JAKMIP1: variants seen among roughly 807,000 people sequenced by gnomAD.
JAKMIP1 encodes janus kinase and microtubule-interacting protein 1.
A neutral mutation model predicts 113.0 loss-of-function variants in JAKMIP1; 33 were observed. The ratio of observed to expected loss-of-function variants is 0.29; its 90% CI spans 0.22 to 0.39. JAKMIP1 has a LOEUF of 0.39. JAKMIP1 is among the 10% of genes least tolerant of loss of function. The pLI is 1.00. For synonymous variants in JAKMIP1, 480 were observed against 459.9 expected (o/e 1.04, Z -0.56); for missense variants, 813 against 1,080.5 (o/e 0.75, Z 3.47).
At chr4:6,087,037 C>T (rs1171371092) in intron 3 of JAKMIP1, among the ~76,000 whole-genome samples, 1 of 152,130 alleles carries the variant, frequency 6.6e-6, no homozygotes, top group East Asian at 1.9e-4. Context: ...CATGTTAAGC[C>T]ATGAAGTTTG....
chr4:6,170,893 C>T (rs1724534519), intron 1 of JAKMIP1, among the ~76,000 whole-genome samples: 1 of 151,468 alleles, frequency 6.6e-6, no homozygotes, highest in African/African-American at 2.4e-5. Flanking sequence ...TCACCTCCAC[C>T]ACCACCATCA....
chr4:6,151,638 TC>T (rs1389341167), intron 1 of JAKMIP1, among the ~76,000 whole-genome samples: 2 of 152,172 alleles, frequency 1.3e-5, no homozygotes, highest in East Asian at 3.9e-4. Flanking sequence ...CTCAGAGTCC[TC>T]CAGTCCTCCT....
At chr4:6,063,474 C>T (rs1246649424) in intron 9 of JAKMIP1, among the ~76,000 whole-genome samples, 1 of 152,242 alleles carries the variant, frequency 6.6e-6, no homozygotes, top group Admixed American at 6.5e-5. Flanking sequence ...GGCTGATGGA[C>T]TGTTGTGTGC....
In JAKMIP1 at chr4:6,193,406, C is replaced by T. The variant is rs1023249467; in HGVS notation, c.-148+6847G>A. Among the ~76,000 whole-genome samples the T allele has an allele frequency of 1.3e-5, 2 of 152,180 alleles. No homozygotes were observed. The highest frequency in any genetic ancestry group is 2.9e-5 in the Non-Finnish European group (2 of 68,044). ...AACTCCTTTTCATATACACATATATCCGATTAGTTCTGTCTCTCTAGAGAA... is the reference window on the plus strand; with the variant it reads ...AACTCCTTTTCATATACACATATATTCGATTAGTTCTGTCTCTCTAGAGAA... On this transcript the variant is annotated intron_variant, in intron 1 of 20. Coordinates refer to ENST00000409021, the MANE Select transcript of JAKMIP1 (RefSeq NM_001099433.2). The surrounding 1 kb of genome is among the most constrained non-coding windows in gnomAD (Gnocchi z 6.4).
intron 13 of JAKMIP1, 151 bp downstream of exon 13, chr4:6,053,898 TA>T (rs539664905): frequency 0.029 from 30,140 of 1,036,174 alleles, no homozygotes; most frequent in South Asian, 0.057. Context: ...CATACAGATT[TA>T]AAAAAAAAAA....
chr4:6,166,428 A>G (rs6446469), intron 1 of JAKMIP1, among the ~76,000 whole-genome samples: 101,995 of 152,024 alleles, frequency 0.67, 34,413 homozygotes, highest in East Asian at 0.78. Context: ...TCAATAAGCT[A>G]CCTGAAGTGA....
intron 1 of JAKMIP1, among the ~76,000 whole-genome samples, chr4:6,171,151 CACCACCACCATCTCCATCACCATT>C (rs1312994339): frequency 1.3e-5 from 2 of 151,156 alleles, no homozygotes; most frequent in Non-Finnish European, 3.0e-5. Flanking sequence ...CCACCATCAT[CACCACCACCATCTCCATCACCATT>C]ACCACCACCA....
intron 1 of JAKMIP1, among the ~76,000 whole-genome samples, chr4:6,124,934 T>C (rs552468719): frequency 6.6e-6 from 1 of 151,966 alleles, no homozygotes; most frequent in African/African-American, 2.4e-5. Flanking sequence ...GCCAGCTGGG[T>C]TGAGATTGCC....
At position 6,069,206 on chromosome 4, in the gene JAKMIP1, C is replaced by T. The variant is rs1718594254; in HGVS notation, c.1303-4198G>A. ...CAGAAAACATTGTTTCCTGTCATGA[C>T]TGGCACACAGTGGGCTTTAAAAAAA... On this transcript the variant is annotated intron_variant, in intron 8 of 20. Coordinates refer to ENST00000409021, the MANE Select transcript of JAKMIP1 (RefSeq NM_001099433.2). The surrounding 1 kb of genome is among the most constrained non-coding windows in gnomAD (Gnocchi z 4.5). Among the ~76,000 whole-genome samples, 1 of 152,128 alleles carries T rather than the reference C, an allele frequency of 6.6e-6. No homozygotes were observed. Among genetic ancestry groups the T allele is most frequent in the African/African-American group, 2.4e-5 (1 of 41,426 alleles).
intron 8 of JAKMIP1, among the ~76,000 whole-genome samples, chr4:6,078,041 A>T (rs1474653214): frequency 1.3e-5 from 2 of 152,158 alleles, no homozygotes; most frequent in East Asian, 3.9e-4. Flanking sequence ...TAGATGAGAA[A>T]TATTTCTCTA....
chr4:6,026,459 C>T (rs566112286), intron 20 of JAKMIP1, among the ~76,000 whole-genome samples, 181 bp from the exon 21 acceptor site: 8 of 152,164 alleles, frequency 5.3e-5, no homozygotes, highest in Admixed American at 2.0e-4. Context: ...CCCTGGGAAA[C>T]GCATCCTGGG....
chr4:6,063,718 A>G (rs1194766939), intron 9 of JAKMIP1, among the ~76,000 whole-genome samples: 1 of 152,254 alleles, frequency 6.6e-6, no homozygotes, highest in African/African-American at 2.4e-5. Flanking sequence ...TATGGCAAAT[A>G]GACCCATGGG....
At position 6,136,632 on chromosome 4, in the gene JAKMIP1, C is replaced by T. The variant is rs1323619823; in HGVS notation, c.-147-23635G>A. 6.6e-6 allele frequency among the ~76,000 whole-genome samples: 1 copy of T among 152,148 alleles called. No individual in the cohort carries two copies. Among genetic ancestry groups the T allele is most frequent in the African/African-American group, 2.4e-5 (1 of 41,416 alleles). On this transcript the variant is annotated intron_variant, in intron 1 of 20. Transcript: ENST00000409021. The surrounding 1 kb of genome is among the most constrained non-coding windows in gnomAD (Gnocchi z 5.9). Reference sequence around the variant, plus strand: ...CCTTGCTCGACTATCCTTTTCTTGCCTACTTTTCTGATTTTTCATGGTGAT... The same window carrying T: ...CCTTGCTCGACTATCCTTTTCTTGCTTACTTTTCTGATTTTTCATGGTGAT...
At chr4:6,087,349 A>G (rs892462778) in intron 3 of JAKMIP1, among the ~76,000 whole-genome samples, 2 of 152,098 alleles carry the variant, frequency 1.3e-5, no homozygotes, top group Admixed American at 6.5e-5. Flanking sequence ...CAATAGGAAG[A>G]CTTTAGAACC....
In JAKMIP1 at chr4:6,044,533, C is replaced by T. The variant is rs937160248; in HGVS notation, c.2029-2306G>A. ...CCTCAAACAAGGCTCAGACAAGATGCGTGGTTTCTTAGAAACAGATAAGCA... is the reference window on the plus strand; with the variant it reads ...CCTCAAACAAGGCTCAGACAAGATGTGTGGTTTCTTAGAAACAGATAAGCA... On this transcript the variant is annotated intron_variant, in intron 16 of 20. Coordinates refer to ENST00000409021, the MANE Select transcript of JAKMIP1 (RefSeq NM_001099433.2). The surrounding 1 kb of genome is among the most constrained non-coding windows in gnomAD (Gnocchi z 4.4). Among the ~76,000 whole-genome samples, 8 of 152,096 alleles carry T rather than the reference C, an allele frequency of 5.3e-5. No homozygotes were observed. Among genetic ancestry groups the T allele is most frequent in the African/African-American group, 1.4e-4 (6 of 41,414 alleles).
chr4:6,039,888 G>A (rs1314544430), intron 18 of JAKMIP1, among the ~76,000 whole-genome samples: 1 of 152,128 alleles, frequency 6.6e-6, no homozygotes, highest in Non-Finnish European at 1.5e-5. Context: ...GATTGGCTCT[G>A]CATTTTGTAG....
rs533023479 is a variant in JAKMIP1 at position 6,155,430 on chromosome 4, C to G, written c.-147-42433G>C. Among the ~76,000 whole-genome samples, 1 of 152,290 alleles carries G rather than the reference C, an allele frequency of 6.6e-6. No homozygotes were observed. Among genetic ancestry groups the G allele is most frequent in the East Asian group, 1.9e-4 (1 of 5,178 alleles). ...TAGAGATTTAAAAAGTATGGAAAGGCTAAAACACTTGTCCAAAAGTGCACA... is the reference window on the plus strand; with the variant it reads ...TAGAGATTTAAAAAGTATGGAAAGGGTAAAACACTTGTCCAAAAGTGCACA... On this transcript the variant is annotated intron_variant, in intron 1 of 20. Coordinates refer to ENST00000409021, the MANE Select transcript of JAKMIP1 (RefSeq NM_001099433.2). This position sits in a 1 kb window ranked among gnomAD's most constrained non-coding sequence, Gnocchi z 6.1.
rs756087247 is a variant in JAKMIP1 at position 6,136,783 on chromosome 4, G to A, written c.-147-23786C>T. Among the ~76,000 whole-genome samples, 1 of 152,252 alleles carries A rather than the reference G, an allele frequency of 6.6e-6. No homozygotes were observed. The highest frequency in any genetic ancestry group is 2.4e-5 in the African/African-American group (1 of 41,546). ...CAGCCAGCTGACCACAACCCACATC[G>A]TGGGGGTCCTGACTACACAGAAAGC... On this transcript the variant is annotated intron_variant, in intron 1 of 20. Transcript: ENST00000409021. The surrounding 1 kb of genome is among the most constrained non-coding windows in gnomAD (Gnocchi z 5.9).
At chr4:6,109,961 AAT>A (rs10553112) in intron 2 of JAKMIP1, among the ~76,000 whole-genome samples, 7,056 of 152,260 alleles carry the variant, frequency 0.046, 352 homozygotes, top group African/African-American at 0.13. Context: ...TTGAGAAAAT[AAT>A]CAGCCAGCGT....
Sources: allele counts gnomAD v4.1 joint callset (sites outside exome capture counted in the v4.1 genomes callset), GRCh38; gene constraint gnomAD v4.1.1; non-coding constraint Gnocchi (gnomAD v3.1); transcripts MANE v1.5; gene names NCBI Gene and HGNC (gene_info 2026-07-23, HGNC 2026-07-21).